PLCB4: variants seen among roughly 807,000 people sequenced by gnomAD.
PLCB4 encodes the protein 1-phosphatidylinositol 4,5-bisphosphate phosphodiesterase beta-4.
Under a neutral mutation model 178.8 loss-of-function variants are expected in PLCB4, and 77 were observed. The observed-to-expected ratio is 0.43, with a 90% CI of 0.36 to 0.52. PLCB4 has a LOEUF of 0.52. Ranked by LOEUF, PLCB4 falls within the 20% of genes least tolerant of loss-of-function variation. The pLI is 0.00. For synonymous variants in PLCB4, 496 were observed against 490.8 expected (o/e 1.01, Z -0.14); for missense variants, 1,024 against 1,453.4 (o/e 0.70, Z 4.80).
chr20:9,461,912 C>G (rs371875237), intron 35 of PLCB4, among the ~76,000 whole-genome samples: 56 of 152,286 alleles, frequency 3.7e-4, no homozygotes, highest in African/African-American at 1.3e-3. Flanking sequence ...GTGGTTCTCC[C>G]AGCATGGCGT....
intron 4 of PLCB4, among the ~76,000 whole-genome samples, chr20:9,335,498 C>CA (rs2032325521): frequency 6.6e-6 from 1 of 152,056 alleles, no homozygotes; most frequent in Non-Finnish European, 1.5e-5. Context: ...TTTGAAGGGT[C>CA]AAAAAATGTC....
intron 2 of PLCB4, among the ~76,000 whole-genome samples, chr20:9,198,085 C>G (rs2093495241): frequency 6.6e-6 from 1 of 152,184 alleles, no homozygotes; most frequent in Admixed American, 6.5e-5. Context: ...TCTGCATGAG[C>G]AAGTTAACTG....
intron 2 of PLCB4, among the ~76,000 whole-genome samples, chr20:9,104,713 G>C (rs368563414): frequency 1.3e-5 from 2 of 152,048 alleles, no homozygotes; most frequent in South Asian, 2.1e-4. Flanking sequence ...TTTTGCCTTT[G>C]ATTATACTTT....
chr20:9,454,012 G>T (rs2042918371), intron 33 of PLCB4, among the ~76,000 whole-genome samples: 1 of 152,184 alleles, frequency 6.6e-6, no homozygotes, highest in Non-Finnish European at 1.5e-5. Context: ...TCCACTCTGG[G>T]ATCACCTCCA....
chr20:9,194,923 T>C (rs2093452031), intron 2 of PLCB4, among the ~76,000 whole-genome samples: 1 of 152,144 alleles, frequency 6.6e-6, no homozygotes, highest in Non-Finnish European at 1.5e-5. Flanking sequence ...CTTTTAGTAG[T>C]TAGTGCCTCT....
At chr20:9,287,243 C>A (rs2094543668) in intron 3 of PLCB4, among the ~76,000 whole-genome samples, 1 of 152,014 alleles carries the variant, frequency 6.6e-6, no homozygotes, top group Non-Finnish European at 1.5e-5. Context: ...CAAGTACTGA[C>A]ATACCAGGCA....
chr20:9,290,338 C>G (rs150128080), intron 3 of PLCB4, among the ~76,000 whole-genome samples: 1 of 151,966 alleles, frequency 6.6e-6, no homozygotes, highest in African/African-American at 2.4e-5. Context: ...CCCCAGCCTG[C>G]GGATATGGTT....
intron 7 of PLCB4, among the ~76,000 whole-genome samples, chr20:9,342,655 GGT>G (rs1491185539): frequency 1.3e-3 from 188 of 147,210 alleles, no homozygotes; most frequent in African/African-American, 4.3e-3. Flanking sequence ...TATGTTTTGG[GGT>G]TTTTTTTTTT....
chr20:9,444,569 C>T (rs917567340), intron 32 of PLCB4, among the ~76,000 whole-genome samples: 1 of 152,122 alleles, frequency 6.6e-6, no homozygotes, highest in Non-Finnish European at 1.5e-5. Flanking sequence ...TTGAGACCAG[C>T]CTGACCAACA....
At position 9,418,624 on chromosome 20, in the gene PLCB4, T is replaced by C. The variant is rs533837476; in HGVS notation, c.2052-1183T>C. Among the ~76,000 whole-genome samples, 14 of 152,286 alleles carry C rather than the reference T, an allele frequency of 9.2e-5. No individual in the cohort carries two copies. The East Asian group carries it at 2.5e-3, about 27-fold the overall frequency. Reference sequence around the variant, plus strand: ...GTGTGAGACACCCAATTTTGTTCTCTCTTTTAACATTGTTTTGGCTATTCT... The same window carrying C: ...GTGTGAGACACCCAATTTTGTTCTCCCTTTTAACATTGTTTTGGCTATTCT... On this transcript the variant is annotated intron_variant, in intron 25 of 39. Transcript: ENST00000378473.
chr20:9,252,216 G>A lies in PLCB4; in HGVS notation c.-16+34764G>A, dbSNP rs572028108. On this transcript the variant is annotated intron_variant, in intron 3 of 39. Transcript: ENST00000378473. ...TGGGTCCATCACATTTCACATGTTC[G>A]GTAGCCACATGTGGCTAGTAGCTAT... Among the ~76,000 whole-genome samples, 26 of 152,154 alleles carry A rather than the reference G, an allele frequency of 1.7e-4. No homozygotes were observed. In the East Asian group the frequency reaches 4.4e-3, roughly 26 times the overall value.
At chr20:9,112,426 TG>T (rs2091615291) in intron 2 of PLCB4, among the ~76,000 whole-genome samples, 1 of 151,906 alleles carries the variant, frequency 6.6e-6, no homozygotes, top group African/African-American at 2.4e-5. Context: ...GGCTAATTTT[TG>T]TATTTTTGTA....
intron 1 of PLCB4, among the ~76,000 whole-genome samples, chr20:9,071,119 T>C (rs1282546470): frequency 2.6e-5 from 4 of 152,196 alleles, no homozygotes; most frequent in Non-Finnish European, 4.4e-5. Context: ...TAAAGAAATA[T>C]GGTAGTTGAA....
chr20:9,249,844 C>T (rs2094161905), intron 3 of PLCB4, among the ~76,000 whole-genome samples: 1 of 151,974 alleles, frequency 6.6e-6, no homozygotes, highest in South Asian at 2.1e-4. Context: ...AAGACAGGAC[C>T]CTGTCTATAT....
chr20:9,109,802 A>C (rs1358026244), intron 2 of PLCB4, among the ~76,000 whole-genome samples: 1 of 152,164 alleles, frequency 6.6e-6, no homozygotes, highest in African/African-American at 2.4e-5. Context: ...CATTGTCTTA[A>C]TTAACTCAGG....
At chr20:9,114,398 T>G (rs539630972) in intron 2 of PLCB4, among the ~76,000 whole-genome samples, 1 of 152,044 alleles carries the variant, frequency 6.6e-6, no homozygotes, top group East Asian at 1.9e-4. Flanking sequence ...TGTTTATCAT[T>G]TGGAGGAGAA....
intron 9 of PLCB4, among the ~76,000 whole-genome samples, chr20:9,366,697 T>TG (rs1283307963): frequency 6.6e-6 from 1 of 152,206 alleles, no homozygotes; most frequent in Non-Finnish European, 1.5e-5. Flanking sequence ...GAAGCTGGGC[T>TG]GGGCCCCAGG....
intron 4 of PLCB4, among the ~76,000 whole-genome samples, chr20:9,335,670 G>T (rs1197525118): frequency 6.6e-6 from 1 of 152,152 alleles, no homozygotes; most frequent in African/African-American, 2.4e-5. Context: ...AAGGTAGGTG[G>T]AACTACTTCC....
At chr20:9,137,003 C>G (rs2092397462) in intron 2 of PLCB4, among the ~76,000 whole-genome samples, 1 of 152,012 alleles carries the variant, frequency 6.6e-6, no homozygotes, top group Non-Finnish European at 1.5e-5. Flanking sequence ...GCTTAAGAGA[C>G]TCCCGGGTCT....
Sources: gnomAD v4.1 joint callset for allele counts (sites outside exome capture counted in the v4.1 genomes callset) on GRCh38, gnomAD v4.1.1 for gene constraint, MANE v1.5 for transcripts, NCBI Gene and HGNC (gene_info 2026-07-23, HGNC 2026-07-21) for gene names.